The following BDH1 variants were observed in gnomAD, a reference collection of about 807,000 sequenced individuals.
BDH1 encodes the protein D-beta-hydroxybutyrate dehydrogenase, mitochondrial.
In BDH1, 30 loss-of-function variants were observed where a neutral mutation model predicts 33.1. The ratio of observed to expected loss-of-function variants is 0.91; its 90% confidence interval spans 0.68 to 1.23. The LOEUF is 1.23. BDH1 is among the 50% of genes most tolerant of loss of function. The pLI, the probability that BDH1 is intolerant of heterozygous loss-of-function variation, is 0.00. For missense variants in BDH1, 443 were observed against 464.4 expected, an observed-to-expected ratio of 0.95 and a Z score of 0.42; for synonymous variants, 190 against 183.6, an observed-to-expected ratio of 1.03 and a Z score of -0.28.
intron 1 of BDH1, among the ~76,000 whole-genome samples, chr3:197,562,888 G>A (rs575666634): frequency 5.3e-5 from 8 of 152,154 alleles, no homozygotes; most frequent in Non-Finnish European, 1.0e-4. Flanking sequence ...TACAGTCTTT[G>A]TGCAAATTTA....
chr3:197,520,065 C>T lies in BDH1; in HGVS notation c.409+2575G>A, dbSNP rs868596140. On this transcript the variant is annotated intron_variant, in intron 6 of 7. Transcript: ENST00000392379. The surrounding 1 kb of genome is among the most constrained non-coding windows in gnomAD (Gnocchi z 6.0). ...CGGTGGCGGCCACTGCGGGTCGGAA[C>T]GCTCTGGGAGGGTGCTCCCTGGAGT... Among the ~76,000 whole-genome samples, 30 of 151,908 alleles carry T rather than the reference C, an allele frequency of 2.0e-4. No individual in the cohort carries two copies. Among genetic ancestry groups the T allele is most frequent in the East Asian group, 1.4e-3 (7 of 5,168 alleles).
At chr3:197,573,099 C>G (rs890627204) in intron 1 of BDH1, 5 of 152,186 alleles carry the variant, frequency 3.3e-5, no homozygotes, top group African/African-American at 4.8e-5. Flanking sequence ...CCCTTTCTAC[C>G]AGGCCTTACC....
At chr3:197,512,940 C>G (rs1712232446) in intron 7 of BDH1, among the ~76,000 whole-genome samples, 1 of 152,128 alleles carries the variant, frequency 6.6e-6, no homozygotes. Context: ...GGAGGGAGCC[C>G]CGGGACAGCC....
At chr3:197,539,733 C>T (rs1465080528) in intron 3 of BDH1, among the ~76,000 whole-genome samples, 1 of 148,402 alleles carries the variant, frequency 6.7e-6, no homozygotes, top group Non-Finnish European at 1.5e-5. Context: ...GGAACTGACT[C>T]AGCGCAAGAA....
intron 3 of BDH1, among the ~76,000 whole-genome samples, chr3:197,540,638 C>T (rs1416219532): frequency 1.3e-5 from 2 of 152,118 alleles, no homozygotes; most frequent in African/African-American, 4.8e-5. Context: ...CACTGTACTC[C>T]AGCCTGGGCG....
chr3:197,549,344 T>C, intron 2 of BDH1, among the ~76,000 whole-genome samples: 1 of 152,206 alleles, frequency 6.6e-6, no homozygotes, highest in East Asian at 1.9e-4. Flanking sequence ...AAAGCACTCC[T>C]ACTCCAGAAA....
At chr3:197,534,246 C>T (rs1413948496) in intron 3 of BDH1, 3 of 152,204 alleles carry the variant, frequency 2.0e-5, no homozygotes, top group Admixed American at 6.5e-5. Flanking sequence ...TCTTCCCACC[C>T]GGCTCCATCT....
intron 3 of BDH1, among the ~76,000 whole-genome samples, chr3:197,544,574 T>C (rs1715920229): frequency 6.6e-6 from 1 of 152,210 alleles, no homozygotes; most frequent in Non-Finnish European, 1.5e-5. Context: ...CAAAAGCCCT[T>C]CAACAAAGCC....
chr3:197,530,191 A>G (rs1217346865), intron 5 of BDH1: 2 of 152,212 alleles, frequency 1.3e-5, no homozygotes, highest in African/African-American at 4.8e-5. Context: ...GCAAAAACCA[A>G]AAGCTTGATG....
At chr3:197,568,417 G>A (rs1355110736) in intron 1 of BDH1, among the ~76,000 whole-genome samples, 1 of 151,906 alleles carries the variant, frequency 6.6e-6, no homozygotes, top group Non-Finnish European at 1.5e-5. Context: ...CTTCTAAAAC[G>A]AAGCTGTGGT....
At chr3:197,543,943 A>G (rs555881916) in intron 3 of BDH1, among the ~76,000 whole-genome samples, 1 of 152,294 alleles carries the variant, frequency 6.6e-6, no homozygotes, top group African/African-American at 2.4e-5. Context: ...TTTCTCCTCA[A>G]TAAGGAGATG....
chr3:197,567,696 C>T (rs1054637410), intron 1 of BDH1, among the ~76,000 whole-genome samples: 1 of 152,054 alleles, frequency 6.6e-6, no homozygotes, highest in African/African-American at 2.4e-5. Flanking sequence ...AACTGAGAGA[C>T]CTGTCTGAGA....
chr3:197,532,030 G>A (rs556332507), intron 5 of BDH1, among the ~76,000 whole-genome samples: 13 of 152,160 alleles, frequency 8.5e-5, no homozygotes, highest in East Asian at 3.9e-4. Context: ...ACACAGTCTC[G>A]CCGAACATTC....
Position 197,513,897 on chromosome 3 carries a change from A to G in BDH1, c.562+367T>C, listed in dbSNP as rs145341846. On this transcript the variant is annotated intron_variant, in intron 7 of 7. Transcript: ENST00000392379. ...CATTTTTTAAACTACGATATAAATAACCCATAGAATGAATATGCCAGATTT... is the reference window on the plus strand; with the variant it reads ...CATTTTTTAAACTACGATATAAATAGCCCATAGAATGAATATGCCAGATTT... Among the ~76,000 whole-genome samples the G allele has an allele frequency of 3.4e-3, 513 of 152,338 alleles. 3 individuals carry two copies. The highest frequency in any genetic ancestry group is 0.012 in the African/African-American group (481 of 41,574).
chr3:197,545,957 T>C (rs890007468), intron 3 of BDH1, among the ~76,000 whole-genome samples: 8 of 152,102 alleles, frequency 5.3e-5, no homozygotes, highest in African/African-American at 1.9e-4. Context: ...GCCAACCTGG[T>C]GAAACCCCGT....
At chr3:197,566,635 C>T (rs940392213) in intron 1 of BDH1, among the ~76,000 whole-genome samples, 2 of 152,202 alleles carry the variant, frequency 1.3e-5, no homozygotes, top group African/African-American at 4.8e-5. Flanking sequence ...GCAAACCAGT[C>T]CTACCATGAT....
Position 197,522,999 on chromosome 3 carries a change from T to C in BDH1, c.268-218A>G. ...AAGCTATGTGCCACAGACACAACCATGAATAGGATGAAGAGCCGGCCCCCA... is the reference window on the plus strand; with the variant it reads ...AAGCTATGTGCCACAGACACAACCACGAATAGGATGAAGAGCCGGCCCCCA... On this transcript the variant is annotated intron_variant, in intron 5 of 7. Transcript: ENST00000392379. The surrounding 1 kb of genome is among the most constrained non-coding windows in gnomAD (Gnocchi z 4.8). The C allele has an allele frequency of 3.8e-6, 2 of 533,204 alleles. No homozygotes were observed. Among genetic ancestry groups the C allele is most frequent in the Non-Finnish European group, 6.5e-6 (2 of 306,938 alleles). 33.0% of individuals were successfully genotyped at this position (533,204 alleles called of 1,614,324 possible). A position where few individuals can be genotyped will look rare whatever the true frequency, so the allele number is the denominator to read the frequency against.
upstream of BDH1, among the ~76,000 whole-genome samples, chr3:197,559,847 A>C (rs1717203794): frequency 6.6e-6 from 1 of 152,184 alleles, no homozygotes; most frequent in Non-Finnish European, 1.5e-5. Flanking sequence ...CCCACCTTCT[A>C]CCGTTCTGGT....
In BDH1 at chr3:197,522,171, C is replaced by T. The variant is rs114365742; in HGVS notation, c.409+469G>A. On this transcript the variant is annotated intron_variant, in intron 6 of 7. Transcript: ENST00000392379. This position sits in a 1 kb window ranked among gnomAD's most constrained non-coding sequence, Gnocchi z 4.8. The stretch of plus-strand genomic sequence containing the variant: ...ATATCTGCTCTCTGCCACAATCTGC[C>T]TTAACTGGCCTATTTCCACTGCGCC... 0.012 allele frequency among the ~76,000 whole-genome samples: 1,902 copies of T among 152,314 alleles called. 34 individuals are homozygous for T. Among genetic ancestry groups the T allele is most frequent in the African/African-American group, 0.043 (1,800 of 41,548 alleles).
Sources: allele counts gnomAD v4.1 joint callset (sites outside exome capture counted in the v4.1 genomes callset), GRCh38; gene constraint gnomAD v4.1.1; non-coding constraint Gnocchi (gnomAD v3.1); transcripts MANE v1.5; gene names NCBI Gene and HGNC (gene_info 2026-07-23, HGNC 2026-07-21).